Variants in EPS15 observed in about 807,000 individuals in gnomAD.
The protein encoded by EPS15 is epidermal growth factor receptor substrate 15.
Under a neutral mutation model 113.8 loss-of-function variants are expected in EPS15, and 72 were observed. The observed-to-expected ratio is 0.63, with a 90% confidence interval of 0.52 to 0.77. EPS15 has a LOEUF of 0.77. Ranked by LOEUF, EPS15 falls within the 30% of genes least tolerant of loss-of-function variation. The probability of loss-of-function intolerance (pLI) is 0.00; values close to 1 mark genes in which losing one functional copy is unlikely to be tolerated. For synonymous variants in EPS15, 344 were observed against 363.4 expected (o/e 0.95, Z 0.61); for missense variants, 1,048 against 1,045.8 (o/e 1.00, Z -0.03).
At chr1:51,403,787 C>G (rs1648813683) in intron 16 of EPS15, among the ~76,000 whole-genome samples, 1 of 152,150 alleles carries the variant, frequency 6.6e-6, no homozygotes. Context: ...CCTCTTACCT[C>G]TTTTTCAAAT....
chr1:51,461,521 TAAAAAAAA>T (rs34184025), intron 7 of EPS15, among the ~76,000 whole-genome samples: 5 of 85,078 alleles, frequency 5.9e-5, no homozygotes, highest in Admixed American at 2.8e-4. Flanking sequence ...CACTGTTTCT[TAAAAAAAA>T]AAAAAAAAAA....
rs548042958 is a variant in EPS15, at chr1:51,379,654, T to A, written c.2120-13625A>T. On this transcript the variant is annotated intron_variant, in intron 21 of 24. Transcript: ENST00000371733. ...TAAAGGGGCTGGGAGCAGTGGCTCA[T>A]GCCTGTAATCCCAGCACTTTCGGAG... Among the ~76,000 whole-genome samples, 4 of 152,256 alleles carry A rather than the reference T, an allele frequency of 2.6e-5. No individual in the cohort carries two copies. The South Asian group carries it at 8.3e-4, about 32-fold the overall frequency.
chr1:51,395,068 C>T (rs958743381), intron 20 of EPS15, among the ~76,000 whole-genome samples: 2 of 152,190 alleles, frequency 1.3e-5, no homozygotes, highest in African/African-American at 2.4e-5. Flanking sequence ...TAGGGTCTTG[C>T]TATGTTTTCC....
chr1:51,384,195 A>G (rs1647004077), intron 21 of EPS15, among the ~76,000 whole-genome samples: 1 of 152,106 alleles, frequency 6.6e-6, no homozygotes, highest in African/African-American at 2.4e-5. Context: ...AAAAATCCTA[A>G]TGACTTTTTC....
At chr1:51,462,869 GA>G (rs1422098195) in intron 7 of EPS15, among the ~76,000 whole-genome samples, 1 of 133,188 alleles carries the variant, frequency 7.5e-6, no homozygotes, top group Non-Finnish European at 1.6e-5. Flanking sequence ...AAAAAAGTCA[GA>G]TTTTTTTTTT....
chr1:51,462,097 C>T (rs1453039384), intron 7 of EPS15: 1 of 152,330 alleles, frequency 6.6e-6, no homozygotes, highest in African/African-American at 2.4e-5. Flanking sequence ...GTGCTGGTGG[C>T]TCACGCTGTA....
chr1:51,510,392 C>A (rs1352355536), intron 1 of EPS15, among the ~76,000 whole-genome samples: 1 of 152,194 alleles, frequency 6.6e-6, no homozygotes, highest in Non-Finnish European at 1.5e-5. Context: ...TAAAATACAA[C>A]CGTGAGCAAG....
chr1:51,429,535 T>C lies in EPS15; in HGVS notation c.1041-7677A>G, dbSNP rs12073626. ...AAAATTCTAGACAGACTAACTTACC[T>C]AGAATGGAAGGTTCATGTGTGGTTA... is the stretch of plus-strand genomic sequence containing the variant. On this transcript the variant is annotated intron_variant, in intron 12 of 24. Transcript: ENST00000371733. Among the ~76,000 whole-genome samples, 417 of 152,008 alleles carry C rather than the reference T, an allele frequency of 2.7e-3. 3 individuals are homozygous for C. Among genetic ancestry groups the C allele is most frequent in the African/African-American group, 9.5e-3 (395 of 41,496 alleles).
At chr1:51,357,730 TA>T (rs1646272640) in intron 24 of EPS15, among the ~76,000 whole-genome samples, 1 of 150,214 alleles carries the variant, frequency 6.7e-6, no homozygotes, top group African/African-American at 2.5e-5. Context: ...AGATGTGATT[TA>T]AACCTAATCT....
intron 8 of EPS15, among the ~76,000 whole-genome samples, chr1:51,455,861 G>A (rs913644980): frequency 1.3e-5 from 2 of 151,094 alleles, no homozygotes; most frequent in Non-Finnish European, 2.9e-5. Context: ...TACATTCCAC[G>A]TACACAAAAC....
intron 11 of EPS15, among the ~76,000 whole-genome samples, chr1:51,440,689 T>C (rs555223637): frequency 2.6e-5 from 4 of 152,088 alleles, no homozygotes; most frequent in African/African-American, 4.8e-5. Flanking sequence ...CCACCTCCGA[T>C]CCGAATGTCT....
At chr1:51,396,752 T>C (rs1231847069) in intron 20 of EPS15, among the ~76,000 whole-genome samples, 1 of 152,222 alleles carries the variant, frequency 6.6e-6, no homozygotes, top group Non-Finnish European at 1.5e-5. Context: ...AAACTCTATG[T>C]CAGTTTGATA....
At chr1:51,512,368 A>G (rs1382429478) in intron 1 of EPS15, among the ~76,000 whole-genome samples, 2 of 152,250 alleles carry the variant, frequency 1.3e-5, no homozygotes, top group African/African-American at 4.8e-5. Context: ...TCTTGCAGTT[A>G]TATTAGTCTG....
intron 20 of EPS15, among the ~76,000 whole-genome samples, chr1:51,397,506 G>A (rs1172647296): frequency 6.6e-6 from 1 of 152,170 alleles, no homozygotes; most frequent in African/African-American, 2.4e-5. Context: ...GAGAATGAGA[G>A]GCTAGAATAA....
Position 51,399,149 on chromosome 1 carries a change from A to G in EPS15, c.1935T>C (p.Asp645=). ...PFGKIDPFGG[D]PFKGSDPFAS... ...CAAATGGATCTGAACCTTTGAAAGG[A>G]TCACCACCAAATGGATCTAAAAAAA... Residue 645 remains aspartate, a synonymous_variant, in exon 20 of 25, where the codon GAT becomes GAC. Transcript: ENST00000371733. 6.2e-7 allele frequency: 1 copy of G among 1,613,668 alleles called. No individual in the cohort carries two copies. Among genetic ancestry groups the G allele is most frequent in the Non-Finnish European group, 8.5e-7 (1 of 1,179,862 alleles).
At chr1:51,357,425 TA>T (rs368432737) in intron 24 of EPS15, among the ~76,000 whole-genome samples, 4,482 of 61,956 alleles carry the variant, frequency 0.072, 95 homozygotes, top group East Asian at 0.1. Context: ...TATATATATA[TA>T]TTTTTTTTTT....
chr1:51,376,723 C>T (rs985712567), intron 21 of EPS15, among the ~76,000 whole-genome samples: 2 of 152,084 alleles, frequency 1.3e-5, no homozygotes, highest in Non-Finnish European at 2.9e-5. Context: ...CCTAAGTCAC[C>T]CAGAGCTCTG....
intron 2 of EPS15, 69 bp from the exon 3 acceptor site, chr1:51,473,017 T>G (rs1432289093): frequency 2.5e-6 from 3 of 1,182,628 alleles, no homozygotes; most frequent in Non-Finnish European, 3.8e-6. Context: ...TTTACCTGCC[T>G]TCCATCCCTG....
chr1:51,437,441 A>C (rs1189569162), intron 12 of EPS15, among the ~76,000 whole-genome samples: 1 of 151,884 alleles, frequency 6.6e-6, no homozygotes, highest in African/African-American at 2.4e-5. Flanking sequence ...ACAATTTCAC[A>C]TCATACATGC....
Sources: gnomAD v4.1 joint callset for allele counts (sites outside exome capture counted in the v4.1 genomes callset) on GRCh38, gnomAD v4.1.1 for gene constraint, MANE v1.5 for transcripts, NCBI Gene and HGNC (gene_info 2026-07-23, HGNC 2026-07-21) for gene names.